The following KCNA7 variants were observed in gnomAD, a reference collection of about 807,000 sequenced individuals.
KCNA7 encodes the protein potassium channel, voltage gated shaker related subfamily A, member 7.
In KCNA7, 15 loss-of-function variants were observed where a neutral mutation model predicts 21.5. That is an observed-to-expected ratio of 0.70 (90% confidence interval 0.47 to 1.07). The LOEUF (loss-of-function observed/expected upper bound fraction) is 1.07, where lower values mean the gene tolerates loss of function less well. Among genes scored for constraint, KCNA7 ranks in the 50% least tolerant of loss-of-function variants. The probability of loss-of-function intolerance (pLI) is 0.00; values close to 1 mark genes in which losing one functional copy is unlikely to be tolerated. For synonymous variants in KCNA7, 298 were observed against 291.0 expected (o/e 1.02, Z -0.24); for missense variants, 640 against 651.6 (o/e 0.98, Z 0.19).
chr19:49,072,567 G>T lies in KCNA7; in HGVS notation c.19C>A (p.Pro7Thr). Residue 7 changes from proline (P) to threonine (T), a missense_variant, in exon 1 of 2, where the codon CCG becomes ACG. Coordinates refer to ENST00000221444, the MANE Select transcript of KCNA7 (RefSeq NM_031886.3). ...AGCCGCTCGCAGCAGCCGCACGGCGGCGGGCACCGCGGCTCCATGGCGCGC... is the reference window on the plus strand; with the variant it reads ...AGCCGCTCGCAGCAGCCGCACGGCGTCGGGCACCGCGGCTCCATGGCGCGC... MEPRCP[P>T]PCGCCERLVL... is the part of the protein sequence containing the mutation. 2 of 1,337,368 alleles carry T rather than the reference G, an allele frequency of 1.5e-6. No individual in the cohort carries two copies. The highest frequency in any genetic ancestry group is 1.9e-6 in the Non-Finnish European group (2 of 1,050,710). The allele number at this position is 1,337,368 out of a possible 1,614,324, so 82.8% of individuals were successfully genotyped here.
rs1458602258 is a variant in KCNA7 at position 49,068,681 on chromosome 19, A to AT, written c.*1381dup. On this transcript the variant is annotated 3_prime_UTR_variant, in exon 2 of 2. Transcript: ENST00000221444. Reference sequence around the variant, plus strand: ...TGTTCCTCTCTTCTGCGTCTCTGCCATACCCCACCCTCCAGGTCATTGTCT... The same window carrying AT: ...TGTTCCTCTCTTCTGCGTCTCTGCCATTACCCCACCCTCCAGGTCATTGTCT... 2 of 152,048 alleles carry AT rather than the reference A, an allele frequency of 1.3e-5. No individual in the cohort carries two copies. Among genetic ancestry groups the AT allele is most frequent in the African/African-American group, 4.8e-5 (2 of 41,306 alleles). 9.4% of individuals were successfully genotyped at this position (152,048 alleles called of 1,614,324 possible).
At position 49,070,944 on chromosome 19, in the gene KCNA7, T is replaced by C. The variant is rs2040253622; in HGVS notation, c.556-66A>G. 59 of 1,336,084 alleles carry C rather than the reference T, an allele frequency of 4.4e-5. No homozygotes were observed. The South Asian group carries it at 8.3e-4, about 19-fold the overall frequency. 82.8% of individuals were successfully genotyped at this position (1,336,084 alleles called of 1,614,324 possible). A position where few individuals can be genotyped will look rare whatever the true frequency, so the allele number is the denominator to read the frequency against. On this transcript the variant is annotated intron_variant, in intron 1 of 1. Coordinates refer to ENST00000221444, the MANE Select transcript of KCNA7 (RefSeq NM_031886.3). The surrounding 1 kb of genome is among the most constrained non-coding windows in gnomAD (Gnocchi z 4.3). Reference sequence around the variant, plus strand: ...TAGGACACGGGGACAGCCTTAATCATCATTTAAATACCCAGCTCCTCTTTA... The same window carrying C: ...TAGGACACGGGGACAGCCTTAATCACCATTTAAATACCCAGCTCCTCTTTA...
chr19:49,071,412 C>T lies in KCNA7; in HGVS notation c.556-534G>A, dbSNP rs147549078. On this transcript the variant is annotated intron_variant, in intron 1 of 1. Coordinates refer to ENST00000221444, the MANE Select transcript of KCNA7 (RefSeq NM_031886.3). ...CTCTACTAAAAATACAAAAATTAGC[C>T]GGGCGTGGTGGCCTGCACCTGTAAT... is the stretch of plus-strand genomic sequence containing the variant. Among the ~76,000 whole-genome samples, 505 of 152,060 alleles carry T rather than the reference C, an allele frequency of 3.3e-3. 6 individuals are homozygous for T. Among genetic ancestry groups the T allele is most frequent in the African/African-American group, 0.012 (481 of 41,490 alleles).
Position 49,070,636 on chromosome 19 carries a change from C to A in KCNA7, c.798G>T (p.Gly266=). 1 of 1,614,184 alleles carries A rather than the reference C, an allele frequency of 6.2e-7. No individual in the cohort carries two copies. The highest frequency in any genetic ancestry group is 8.5e-7 in the Non-Finnish European group (1 of 1,180,038). Residue 266 remains glycine, a synonymous_variant, in exon 2 of 2, where the codon GGG becomes GGT. Transcript: ENST00000221444. The surrounding 1 kb of genome is among the most constrained non-coding windows in gnomAD (Gnocchi z 4.3). ...ALGTELARQR[G]VGQQAMSLAI... Reference sequence around the variant, plus strand: ...CCAGTGACATGGCCTGCTGGCCCACCCCTCGCTGCCGGGCCAGCTCGGTGC... The same window carrying A: ...CCAGTGACATGGCCTGCTGGCCCACACCTCGCTGCCGGGCCAGCTCGGTGC...
intron 1 of KCNA7, among the ~76,000 whole-genome samples, chr19:49,071,088 G>T (rs1457446605): frequency 6.6e-6 from 1 of 152,104 alleles, no homozygotes; most frequent in African/African-American, 2.4e-5. Flanking sequence ...GACCTGGTGG[G>T]TGGCTGGAGA....
In KCNA7 at chr19:49,072,549, C is replaced by A; in HGVS notation, c.37G>T (p.Glu13Ter). The A allele has an allele frequency of 7.2e-7, 1 of 1,380,158 alleles. No individual in the cohort carries two copies. The highest frequency in any genetic ancestry group is 1.6e-5 in the South Asian group (1 of 61,942). The allele number at this position is 1,380,158 out of a possible 1,614,324, so 85.5% of individuals were successfully genotyped here. ...PRCPPPCGCC[E>*]RLVLNVAGLR... is the part of the protein sequence containing the mutation. The stretch of plus-strand genomic sequence containing the variant: ...CCGGCCACGTTGAGCACCAGCCGCT[C>A]GCAGCAGCCGCACGGCGGCGGGCAC... The change falls in exon 1 of 2, where the codon GAG (glutamate) becomes TAG (stop). Residue 13 changes from glutamate (E) to a stop codon, truncating the protein, a stop_gained. Transcript: ENST00000221444. LOFTEE classifies it high-confidence loss of function.
In KCNA7 at chr19:49,072,692, C is replaced by G; in HGVS notation, c.-107G>C. On this transcript the variant is annotated 5_prime_UTR_variant, in exon 1 of 2. Coordinates refer to ENST00000221444, the MANE Select transcript of KCNA7 (RefSeq NM_031886.3). Reference sequence around the variant, plus strand: ...GGCCGCCGCCGCCGCCGCCCCAGCCCGGTGTCCGGTGTCCGGTGTCCGCGC... The same window carrying G: ...GGCCGCCGCCGCCGCCGCCCCAGCCGGGTGTCCGGTGTCCGGTGTCCGCGC... The G allele has an allele frequency of 1.8e-6, 1 of 556,248 alleles. No homozygotes were observed. The highest frequency in any genetic ancestry group is 3.5e-5 in the African/African-American group (1 of 28,658). The allele number at this position is 556,248 out of a possible 1,614,324, so 34.5% of individuals were successfully genotyped here.
At position 49,068,381 on chromosome 19, in the gene KCNA7, T is replaced by C. The variant is rs1197721676; in HGVS notation, c.*1682A>G. On this transcript the variant is annotated 3_prime_UTR_variant, in exon 2 of 2. Transcript: ENST00000221444. ...AGGCTGGAGTGCAGTGGTGCAATCA[T>C]GGCTCAATGCAGCCTCTACCTCTCA... 6.6e-6 allele frequency: 1 copy of C among 152,072 alleles called. No individual in the cohort carries two copies. Among genetic ancestry groups the C allele is most frequent in the Non-Finnish European group, 1.5e-5 (1 of 68,078 alleles). The allele number at this position is 152,072 out of a possible 1,614,324, so 9.4% of individuals were successfully genotyped here.
At position 49,070,009 on chromosome 19, in the gene KCNA7, C is replaced by T; in HGVS notation, c.*54G>A. ...CCCCCCAGCCTTGCCCTCCACCCTG[C>T]CCTCCCTCCCTCCCTCTAGGGAGGT... On this transcript the variant is annotated 3_prime_UTR_variant, in exon 2 of 2. Coordinates refer to ENST00000221444, the MANE Select transcript of KCNA7 (RefSeq NM_031886.3). This position sits in a 1 kb window ranked among gnomAD's most constrained non-coding sequence, Gnocchi z 4.3. 7.3e-7 allele frequency: 1 copy of T among 1,378,912 alleles called. No homozygotes were observed. Among genetic ancestry groups the T allele is most frequent in the Non-Finnish European group, 1.0e-6 (1 of 999,256 alleles). The allele number at this position is 1,378,912 out of a possible 1,614,324, so 85.4% of individuals were successfully genotyped here.
Position 49,072,247 on chromosome 19 carries a change from C to CG in KCNA7, c.338dup (p.Val114GlyfsTer54). The CG allele has an allele frequency of 6.3e-7, 1 of 1,589,272 alleles. No homozygotes were observed. Among genetic ancestry groups the CG allele is most frequent in the Non-Finnish European group, 8.6e-7 (1 of 1,169,344 alleles). On this transcript the variant is annotated frameshift_variant, in exon 1 of 2. Coordinates refer to ENST00000221444, the MANE Select transcript of KCNA7 (RefSeq NM_031886.3). LOFTEE classifies it high-confidence loss of function. ...GGGGCAGGGGGCGCTCGGGCGGCAC[C>CG]GGGCAGCCCTCGTCCTCGCGCAGGC...
chr19:49,067,825 G>A lies in KCNA7; in HGVS notation c.*2238C>T, dbSNP rs1016039916. On this transcript the variant is annotated 3_prime_UTR_variant, in exon 2 of 2. Coordinates refer to ENST00000221444, the MANE Select transcript of KCNA7 (RefSeq NM_031886.3). ...TAGGTGACAGGCCTGGTTCAGGATT[G>A]TTCTGTGATTCTATGGAATAGACTG... is the stretch of plus-strand genomic sequence containing the variant. The A allele has an allele frequency of 6.6e-6, 1 of 152,218 alleles. No homozygotes were observed. Among genetic ancestry groups the A allele is most frequent in the Non-Finnish European group, 1.5e-5 (1 of 68,056 alleles). 9.4% of individuals were successfully genotyped at this position (152,218 alleles called of 1,614,324 possible).
Position 49,072,402 on chromosome 19 carries a change from G to A in KCNA7, c.184C>T (p.Arg62Trp). Residue 62 changes from arginine to tryptophan, a missense_variant, in exon 1 of 2, where the codon CGG becomes TGG. By Grantham distance (101) the Arg-to-Trp change is moderately radical (BLOSUM62 -3). Transcript: ENST00000221444. Reference protein sequence around the residue: ...ARREYFFDRHRPSFDAVLYYY... With the variant: ...ARREYFFDRHWPSFDAVLYYY... ...TAGAGCACGGCGTCGAAGCTGGGCCGGTGCCGGTCGAAGAAATACTCGCGG... is the reference window on the plus strand; with the variant it reads ...TAGAGCACGGCGTCGAAGCTGGGCCAGTGCCGGTCGAAGAAATACTCGCGG... 2 of 1,584,622 alleles carry A rather than the reference G, an allele frequency of 1.3e-6. No individual in the cohort carries two copies. Among genetic ancestry groups the A allele is most frequent in the Non-Finnish European group, 1.7e-6 (2 of 1,172,208 alleles).
At chr19:49,071,584 C>T (rs1341602456) in intron 1 of KCNA7, among the ~76,000 whole-genome samples, 5 of 151,808 alleles carry the variant, frequency 3.3e-5, no homozygotes, top group Admixed American at 3.3e-4. Flanking sequence ...AAGACCTTCT[C>T]TGCAAGCCGA....
rs754689330 is a variant in KCNA7, at chr19:49,072,474, G to T, written c.112C>A (p.Leu38Met). The part of the protein sequence containing the change: ...ARTLGRFPDT[L>M]LGDPARRGRF... Reference sequence around the variant, plus strand: ...CCGCGGCGCGCTGGGTCCCCTAGCAGAGTGTCCGGGAAGCGGCCCAGCGTG... The same window carrying T: ...CCGCGGCGCGCTGGGTCCCCTAGCATAGTGTCCGGGAAGCGGCCCAGCGTG... The change falls in exon 1 of 2, where the codon CTG becomes ATG. Residue 38 changes from leucine (L) to methionine (M), a missense_variant. Leu to Met is a conservative substitution (Grantham distance 15). Transcript: ENST00000221444. 400 of 1,554,870 alleles carry T rather than the reference G, an allele frequency of 2.6e-4. 1 individual carries two copies. The highest frequency in any genetic ancestry group is 3.3e-4 in the Non-Finnish European group (388 of 1,160,976).
At position 49,072,044 on chromosome 19, in the gene KCNA7, G is replaced by C; in HGVS notation, c.542C>G (p.Ala181Gly). 2 of 1,603,508 alleles carry C rather than the reference G, an allele frequency of 1.2e-6. No individual in the cohort carries two copies. The highest frequency in any genetic ancestry group is 2.2e-5 in the South Asian group (2 of 90,252). The change falls in exon 1 of 2, where the codon GCC becomes GGC. Residue 181 changes from alanine to glycine, a missense_variant. Ala to Gly is a moderately conservative substitution (Grantham distance 60). Transcript: ENST00000221444. ...DRDGTGLAAAAAAGPFPAPLN... is the reference protein window; with the variant it reads ...DRDGTGLAAAGAAGPFPAPLN... ...CCCGCCTCTCACCGGGCCGGCTGCG[G>C]CTGCAGCAGCAAGCCCCGTGCCGTC...
chr19:49,072,061 C>A lies in KCNA7; in HGVS notation c.525G>T (p.Thr175=), dbSNP rs748689298. The A allele has an allele frequency of 2.1e-5, 33 of 1,608,374 alleles. No individual in the cohort carries two copies. The highest frequency in any genetic ancestry group is 2.7e-5 in the African/African-American group (2 of 74,950). Residue 175 remains threonine, a synonymous_variant, in exon 1 of 2, where the codon ACG becomes ACT. Transcript: ENST00000221444. ...LPDFRDDRDG[T]GLAAAAAAGP... is the part of the protein sequence containing the mutation. ...CGGCTGCGGCTGCAGCAGCAAGCCC[C>A]GTGCCGTCGCGGTCGTCGCGGAAGT...
rs900049312 is a variant in KCNA7 at position 49,067,632 on chromosome 19, G to A, written c.*2431C>T. 5.9e-5 allele frequency: 9 copies of A among 152,294 alleles called. No individual in the cohort carries two copies. The highest frequency in any genetic ancestry group is 2.2e-4 in the African/African-American group (9 of 41,556). 9.4% of individuals were successfully genotyped at this position (152,294 alleles called of 1,614,324 possible). On this transcript the variant is annotated 3_prime_UTR_variant, in exon 2 of 2. Transcript: ENST00000221444. ...GACTCAGGAGGACCCGTGTGTCCCA[G>A]CAGGCTGATGGGGACATGTGAAGCA...
chr19:49,071,247 C>T (rs1261737576), intron 1 of KCNA7, among the ~76,000 whole-genome samples: 1 of 152,096 alleles, frequency 6.6e-6, no homozygotes, highest in Non-Finnish European at 1.5e-5. Flanking sequence ...TTTCCTTGCC[C>T]TCCACAGTCC....
rs965697269 is a variant in KCNA7 at position 49,069,933 on chromosome 19, G to T, written c.*130C>A. On this transcript the variant is annotated 3_prime_UTR_variant, in exon 2 of 2. Transcript: ENST00000221444. ...AACCCAAGACCCAACAAGACTCAGT[G>T]TTTCCCCACTCGTTACGACTTAACC... 1.4e-5 allele frequency: 10 copies of T among 696,708 alleles called. No homozygotes were observed. The African/African-American group carries it at 1.4e-4, about 10-fold the overall frequency. 43.2% of individuals were successfully genotyped at this position (696,708 alleles called of 1,614,324 possible).
Sources: gnomAD v4.1 joint callset for allele counts (sites outside exome capture counted in the v4.1 genomes callset) on GRCh38, gnomAD v4.1.1 for gene constraint, Gnocchi (gnomAD v3.1) non-coding constraint, MANE v1.5 for transcripts, NCBI Gene and HGNC (gene_info 2026-07-23, HGNC 2026-07-21) for gene names.